ZNF69: variants seen among roughly 807,000 people sequenced by gnomAD.
The protein encoded by ZNF69 is zinc finger protein 69.
In ZNF69, 47 loss-of-function variants were observed where a neutral mutation model predicts 50.9. That is an observed-to-expected ratio of 0.92 (90% confidence interval 0.73 to 1.18). The LOEUF (loss-of-function observed/expected upper bound fraction) is 1.18, where lower values mean the gene tolerates loss of function less well. ZNF69 is among the 50% of genes most tolerant of loss of function. ZNF69 has a pLI of 0.00. For synonymous variants in ZNF69, 216 were observed against 223.1 expected, an observed-to-expected ratio of 0.97 and a Z score of 0.29; for missense variants, 717 against 675.1, an observed-to-expected ratio of 1.06 and a Z score of -0.69.
chr19:11,915,357 G>A (rs1323977597), downstream of ZNF69, among the ~76,000 whole-genome samples: 4 of 152,244 alleles, frequency 2.6e-5, no homozygotes, highest in African/African-American at 9.6e-5. Flanking sequence ...CAGGATGCAA[G>A]CACAGTGTTG....
the ZNF69 span, among the ~76,000 whole-genome samples, chr19:11,936,791 A>G: frequency 1.3e-5 from 2 of 152,172 alleles, no homozygotes; most frequent in Non-Finnish European, 1.5e-5. Flanking sequence ...GGTATTGCCT[A>G]GGTTTTCTTC....
the ZNF69 span, chr19:11,979,036 A>C: frequency 6.2e-7 from 1 of 1,614,230 alleles, no homozygotes; most frequent in Middle Eastern, 1.6e-4. Flanking sequence ...TATGAATGTA[A>C]GCAGTGTGGG....
intron 1 of ZNF69, among the ~76,000 whole-genome samples, chr19:11,891,948 A>G (rs936868603): frequency 6.6e-6 from 1 of 152,134 alleles, no homozygotes; most frequent in African/African-American, 2.4e-5. Flanking sequence ...TGCATTTTCC[A>G]TAGAAGGCTG....
chr19:11,924,978 G>A, the ZNF69 span: 2 of 465,032 alleles, frequency 4.3e-6, no homozygotes, highest in Non-Finnish European at 7.9e-6. Context: ...GTCTGGCTCT[G>A]CGGGGCCTGA....
At chr19:11,915,978 C>T (rs1207232945), downstream of ZNF69, among the ~76,000 whole-genome samples, 1 of 152,144 alleles carries the variant, frequency 6.6e-6, no homozygotes, top group Non-Finnish European at 1.5e-5. Flanking sequence ...GTACCAGCTA[C>T]TCACATTGAC....
At chr19:11,916,920 AC>A (rs1367203362), downstream of ZNF69, among the ~76,000 whole-genome samples, 1 of 151,798 alleles carries the variant, frequency 6.6e-6, no homozygotes, top group Non-Finnish European at 1.5e-5. Context: ...TCCTTTCCAC[AC>A]CCCTTACTCT....
the ZNF69 span, among the ~76,000 whole-genome samples, chr19:11,932,822 A>T: frequency 6.8e-6 from 1 of 147,402 alleles, no homozygotes; most frequent in East Asian, 1.9e-4. Context: ...TATTTTTAGT[A>T]GAGACGGGGT....
At chr19:11,961,019 C>T in the ZNF69 span, among the ~76,000 whole-genome samples, 327 of 152,290 alleles carry the variant, frequency 2.1e-3, 1 homozygote, top group African/African-American at 7.7e-3. Context: ...TGACTCACAC[C>T]TGTAATCCCA....
chr19:11,916,402 G>A (rs2551872), downstream of ZNF69, among the ~76,000 whole-genome samples: 7 of 151,810 alleles, frequency 4.6e-5, no homozygotes, highest in Admixed American at 1.3e-4. Flanking sequence ...ATCACTTGAG[G>A]TCAGGAGTTC....
the ZNF69 span, among the ~76,000 whole-genome samples, chr19:11,921,535 C>T: frequency 1.3e-5 from 2 of 151,992 alleles, no homozygotes; most frequent in South Asian, 4.2e-4. Context: ...CAGAGTCTCA[C>T]TCTGTCATCC....
the ZNF69 span, chr19:11,948,588 C>G: frequency 6.2e-6 from 10 of 1,607,660 alleles, no homozygotes; most frequent in Non-Finnish European, 6.8e-6. Context: ...AAAGGGATCA[C>G]ACTGGAGAGA....
intron 1 of ZNF69, among the ~76,000 whole-genome samples, chr19:11,896,246 A>G (rs1416404939): frequency 7.7e-6 from 1 of 129,342 alleles, no homozygotes; most frequent in African/African-American, 2.9e-5. Context: ...AAAAAAAAAG[A>G]TTCCCTGGTT....
At chr19:11,960,959 A>G in the ZNF69 span, among the ~76,000 whole-genome samples, 1 of 152,142 alleles carries the variant, frequency 6.6e-6, no homozygotes, top group Non-Finnish European at 1.5e-5. Context: ...GCCCCTTGGC[A>G]TGTCTTGCAT....
the ZNF69 span, among the ~76,000 whole-genome samples, chr19:11,933,042 A>G: frequency 6.1e-3 from 907 of 148,544 alleles, 39 homozygotes; most frequent in Middle Eastern, 0.014. Flanking sequence ...TATTTAGAAC[A>G]GTGGTTGTTT....
At chr19:11,973,226 A>G in the ZNF69 span, among the ~76,000 whole-genome samples, 1 of 152,124 alleles carries the variant, frequency 6.6e-6, no homozygotes, top group South Asian at 2.1e-4. Context: ...TATCCCTGGC[A>G]ACAGATGATG....
the ZNF69 span, chr19:11,978,426 G>A: frequency 1.4e-3 from 2,315 of 1,614,098 alleles, 3 homozygotes; most frequent in African/African-American, 3.2e-3. Flanking sequence ...GAATCACACC[G>A]GAGAGAAACC....
At chr19:11,963,765 G>A in the ZNF69 span, among the ~76,000 whole-genome samples, 4 of 152,004 alleles carry the variant, frequency 2.6e-5, no homozygotes, top group Admixed American at 6.5e-5. Flanking sequence ...CCGGGCTCCG[G>A]GCCCTAGATC....
chr19:11,899,182 A>C (rs941594567), intron 1 of ZNF69, among the ~76,000 whole-genome samples: 6 of 152,180 alleles, frequency 3.9e-5, no homozygotes, highest in Non-Finnish European at 8.8e-5. Context: ...ATTTTCCAGA[A>C]TATCACATAT....
chr19:11,957,515 G>A, the ZNF69 span, among the ~76,000 whole-genome samples: 3 of 152,098 alleles, frequency 2.0e-5, no homozygotes, highest in African/African-American at 7.2e-5. Flanking sequence ...AATACATAAA[G>A]TGGGGTTGCA....
Sources: allele counts gnomAD v4.1 joint callset (sites outside exome capture counted in the v4.1 genomes callset), GRCh38; gene constraint gnomAD v4.1.1; transcripts MANE v1.5; gene names NCBI Gene and HGNC (gene_info 2026-07-23, HGNC 2026-07-21).